NCAM2: variants seen among roughly 807,000 people sequenced by gnomAD.
The protein encoded by NCAM2 is neural cell adhesion molecule 2, also known as N-CAM-2.
Under a neutral mutation model 98.1 loss-of-function variants are expected in NCAM2, and 30 were observed. The observed-to-expected ratio is 0.31, with a 90% confidence interval of 0.23 to 0.41. NCAM2 has a LOEUF of 0.41. NCAM2 is among the 10% of genes least tolerant of loss of function. NCAM2 has a pLI of 1.00. For missense variants in NCAM2, 867 were observed against 1,005.8 expected, an observed-to-expected ratio of 0.86 and a Z score of 1.87; for synonymous variants, 368 against 342.4, an observed-to-expected ratio of 1.07 and a Z score of -0.83.
intron 1 of NCAM2, among the ~76,000 whole-genome samples, chr21:21,105,330 T>G (rs548630566): frequency 1.3e-5 from 2 of 152,186 alleles, no homozygotes; most frequent in South Asian, 4.1e-4. Context: ...TAAATAAAAA[T>G]GAATCAATTA....
At chr21:21,009,595 T>C (rs1174813893) in intron 1 of NCAM2, among the ~76,000 whole-genome samples, 1 of 151,996 alleles carries the variant, frequency 6.6e-6, no homozygotes, top group African/African-American at 2.4e-5. Flanking sequence ...TATAATATCT[T>C]GATAAAGGTA....
intron 5 of NCAM2, among the ~76,000 whole-genome samples, chr21:21,312,266 A>AT (rs2074079044): frequency 1.3e-5 from 2 of 151,806 alleles, no homozygotes; most frequent in East Asian, 1.9e-4. Flanking sequence ...TTATTACATG[A>AT]TTTTTTCTTT....
intron 1 of NCAM2, among the ~76,000 whole-genome samples, chr21:21,264,994 G>A (rs111220550): frequency 0.27 from 10,334 of 37,702 alleles, 2,036 homozygotes; most frequent in Middle Eastern, 0.3. Context: ...ATATGTGTAT[G>A]TGTATATATA....
At chr21:21,502,179 A>C (rs1350135954) in intron 15 of NCAM2, among the ~76,000 whole-genome samples, 1 of 151,926 alleles carries the variant, frequency 6.6e-6, no homozygotes, top group Non-Finnish European at 1.5e-5. Flanking sequence ...GACTATACTC[A>C]TGCCTCTCAA....
At chr21:21,359,875 TTAGG>T (rs1295208235) in intron 8 of NCAM2, among the ~76,000 whole-genome samples, 2 of 151,756 alleles carry the variant, frequency 1.3e-5, no homozygotes, top group Non-Finnish European at 3.0e-5. Context: ...GTAATTTGAG[TTAGG>T]TATGTGGTAT....
intron 9 of NCAM2, among the ~76,000 whole-genome samples, chr21:21,402,290 A>G (rs1054673015): frequency 1.3e-5 from 2 of 152,124 alleles, no homozygotes; most frequent in African/African-American, 4.8e-5. Context: ...AGACCCTAGG[A>G]AAAGAATTGC....
At chr21:21,504,516 C>T (rs1987849455) in intron 15 of NCAM2, among the ~76,000 whole-genome samples, 2 of 151,708 alleles carry the variant, frequency 1.3e-5, no homozygotes, top group South Asian at 2.1e-4. Flanking sequence ...TAGTAGTGCC[C>T]GAATCTTAAT....
chr21:21,425,858 G>A (rs967764912), intron 11 of NCAM2, among the ~76,000 whole-genome samples: 1 of 152,106 alleles, frequency 6.6e-6, no homozygotes, highest in Non-Finnish European at 1.5e-5. Context: ...AGCTCACAAT[G>A]TTTCTTGCTC....
intron 1 of NCAM2, among the ~76,000 whole-genome samples, chr21:21,070,507 G>T (rs958688499): frequency 4.6e-5 from 7 of 151,960 alleles, no homozygotes; most frequent in Admixed American, 4.6e-4. Flanking sequence ...CAGAGGAAGA[G>T]GGGGGTGAAA....
intron 1 of NCAM2, among the ~76,000 whole-genome samples, chr21:21,075,740 C>A (rs535327488): frequency 6.6e-6 from 1 of 151,768 alleles, no homozygotes; most frequent in African/African-American, 2.4e-5. Flanking sequence ...ACATTTATTT[C>A]CTGGGTATGT....
At chr21:21,211,883 C>T (rs1161302037) in intron 1 of NCAM2, among the ~76,000 whole-genome samples, 2 of 152,136 alleles carry the variant, frequency 1.3e-5, no homozygotes, top group Non-Finnish European at 2.9e-5. Flanking sequence ...GTCCTGTTAA[C>T]CCTGATTCCC....
At chr21:21,206,407 A>T (rs537707252) in intron 1 of NCAM2, among the ~76,000 whole-genome samples, 26 of 152,292 alleles carry the variant, frequency 1.7e-4, no homozygotes, top group Admixed American at 1.7e-3. Context: ...AAGTAGATTC[A>T]CCTAATTATA....
chr21:21,314,690 A>T (rs1466512960), intron 5 of NCAM2, among the ~76,000 whole-genome samples: 2 of 152,058 alleles, frequency 1.3e-5, no homozygotes, highest in African/African-American at 4.8e-5. Flanking sequence ...TCAAAATTGG[A>T]TAACTTCCAT....
chr21:21,119,304 A>G (rs1380291371), intron 1 of NCAM2, among the ~76,000 whole-genome samples: 4 of 152,216 alleles, frequency 2.6e-5, no homozygotes, highest in Admixed American at 2.6e-4. Flanking sequence ...TACTAATTTC[A>G]TATCTTGTTT....
At chr21:21,382,838 A>AT (rs926460475) in intron 9 of NCAM2, among the ~76,000 whole-genome samples, 209 of 144,330 alleles carry the variant, frequency 1.4e-3, no homozygotes, top group Middle Eastern at 0.011. Context: ...CCCAAATAGT[A>AT]TTTTTTTTTT....
chr21:21,191,744 C>T (rs552489103), intron 1 of NCAM2, among the ~76,000 whole-genome samples: 2 of 152,216 alleles, frequency 1.3e-5, no homozygotes, highest in South Asian at 4.1e-4. Context: ...TATTGAGTTT[C>T]TTCTGTGCAG....
chr21:21,317,355 G>T (rs188403130), intron 5 of NCAM2, among the ~76,000 whole-genome samples: 1 of 152,116 alleles, frequency 6.6e-6, no homozygotes, highest in East Asian at 1.9e-4. Flanking sequence ...TCCTTGATGA[G>T]TCCTGAAATC....
At chr21:21,392,259 T>C (rs1189592158) in intron 9 of NCAM2, among the ~76,000 whole-genome samples, 1 of 152,230 alleles carries the variant, frequency 6.6e-6, no homozygotes, top group African/African-American at 2.4e-5. Flanking sequence ...GATCCATCTA[T>C]GTCCCTGCAG....
chr21:21,221,032 C>T (rs557916950), intron 1 of NCAM2, among the ~76,000 whole-genome samples: 1 of 151,904 alleles, frequency 6.6e-6, no homozygotes. Flanking sequence ...GTAATTCTTA[C>T]AATATTGCAA....
Sources: gnomAD v4.1 joint callset for allele counts (sites outside exome capture counted in the v4.1 genomes callset) on GRCh38, gnomAD v4.1.1 for gene constraint, MANE v1.5 for transcripts, NCBI Gene and HGNC (gene_info 2026-07-23, HGNC 2026-07-21) for gene names.